Variants in ENKUR observed in about 807,000 individuals in gnomAD.
ENKUR encodes enkurin.
ENKUR carries 19 observed loss-of-function variants against 27.6 expected under a neutral mutation model. That is an observed-to-expected ratio of 0.69 (90% CI 0.48 to 1.01). ENKUR has a LOEUF of 1.01. ENKUR is among the 50% of genes least tolerant of loss of function. The pLI is 0.00. For synonymous variants in ENKUR, 117 were observed against 96.9 expected, an observed-to-expected ratio of 1.21 and a Z score of -1.22; for missense variants, 312 against 310.5, an observed-to-expected ratio of 1.00 and a Z score of -0.04.
At chr10:25,024,877 A>C (rs150062766) in intron 2 of ENKUR, 1 of 1,614,038 alleles carries the variant, frequency 6.2e-7, no homozygotes, top group Non-Finnish European at 8.5e-7. Flanking sequence ...TTATGATCTA[A>C]GGGAAAGAAA....
intron 2 of ENKUR, among the ~76,000 whole-genome samples, chr10:25,032,413 C>T (rs1255199636): frequency 6.6e-6 from 1 of 152,146 alleles, no homozygotes. Context: ...TCTGCTCTCA[C>T]CTATGCCTAA....
intron 2 of ENKUR, among the ~76,000 whole-genome samples, chr10:25,053,149 A>T (rs4237369): frequency 6.6e-6 from 1 of 151,330 alleles, no homozygotes; most frequent in African/African-American, 2.4e-5. Flanking sequence ...ACCTTTTTTC[A>T]TTTTTTAAAT....
intron 4 of ENKUR, among the ~76,000 whole-genome samples, chr10:24,986,209 T>C (rs1849775706): frequency 6.6e-6 from 1 of 152,248 alleles, no homozygotes; most frequent in East Asian, 1.9e-4. Flanking sequence ...TAAGCTCTTG[T>C]ACAAATTTAA....
chr10:25,005,434 C>T (rs1295423753), intron 1 of ENKUR, among the ~76,000 whole-genome samples: 2 of 152,066 alleles, frequency 1.3e-5, no homozygotes, highest in African/African-American at 4.8e-5. Flanking sequence ...ACTCAAAAAG[C>T]TGGGATAGTT....
chr10:25,054,513 C>CTTTCCTTTCTTT (rs1554774507), intron 2 of ENKUR, among the ~76,000 whole-genome samples: 2 of 71,364 alleles, frequency 2.8e-5, no homozygotes, highest in African/African-American at 1.1e-4. Context: ...TTCTTTCTTT[C>CTTTCCTTTCTTT]CTTTCTTTCT....
chr10:25,034,840 T>C (rs1477172103), intron 2 of ENKUR, among the ~76,000 whole-genome samples: 4 of 152,190 alleles, frequency 2.6e-5, no homozygotes, highest in Non-Finnish European at 4.4e-5. Context: ...TAAATGCTGT[T>C]GCCTACTATG....
Position 25,024,033 on chromosome 10 carries a change from G to C in ENKUR, c.38-28164C>G. On this transcript the variant is annotated intron_variant, in intron 2 of 5. Coordinates refer to the ENKUR transcript ENST00000615958. Reference sequence around the variant, plus strand: ...ATGGTGGCCTCTTTGTTCCTGCAAAGGAGTTTCCAAAATTAAGCTGCGGGG... The same window carrying C: ...ATGGTGGCCTCTTTGTTCCTGCAAACGAGTTTCCAAAATTAAGCTGCGGGG... 1.9e-6 allele frequency: 3 copies of C among 1,614,220 alleles called. No homozygotes were observed. The highest frequency in any genetic ancestry group is 2.5e-6 in the Non-Finnish European group (3 of 1,180,024).
chr10:25,048,884 A>G (rs1236515180), intron 2 of ENKUR, among the ~76,000 whole-genome samples: 1 of 151,866 alleles, frequency 6.6e-6, no homozygotes. Context: ...GAAGATAGAT[A>G]CAGATCAACT....
In ENKUR at chr10:25,016,108, C is replaced by T. The variant is rs1244558130; in HGVS notation, c.-172G>A. On this transcript the variant is annotated 5_prime_UTR_variant, in exon 1 of 6. Transcript: ENST00000331161. ...TAACCCCCTCTTAGCAGTCCTCTCT[C>T]GGGAAGAAAACACCCTATTTCTCTC... The T allele has an allele frequency of 1.6e-6, 2 of 1,283,384 alleles. No individual in the cohort carries two copies. The highest frequency in any genetic ancestry group is 2.0e-6 in the Non-Finnish European group (2 of 1,012,770). 79.5% of individuals were successfully genotyped at this position (1,283,384 alleles called of 1,614,324 possible).
chr10:25,059,987 G>C (rs572002885), intron 2 of ENKUR, among the ~76,000 whole-genome samples: 105 of 152,134 alleles, frequency 6.9e-4, no homozygotes, highest in South Asian at 1.9e-3. Context: ...GGGGTTGGGA[G>C]TGATAATGAG....
chr10:24,986,387 G>A (rs930560135), intron 4 of ENKUR, among the ~76,000 whole-genome samples: 1 of 152,156 alleles, frequency 6.6e-6, no homozygotes, highest in Non-Finnish European at 1.5e-5. Context: ...GAAAGGGAAA[G>A]GATAGAAGAA....
intron 2 of ENKUR, chr10:25,061,054 C>T: frequency 6.8e-7 from 1 of 1,478,862 alleles, no homozygotes; most frequent in Non-Finnish European, 9.1e-7. Context: ...CTCTAAGGCC[C>T]CCTATTAGGC....
chr10:25,048,789 T>C (rs896066255), intron 2 of ENKUR, among the ~76,000 whole-genome samples: 3 of 152,126 alleles, frequency 2.0e-5, no homozygotes, highest in Admixed American at 6.5e-5. Flanking sequence ...CATTCTCAGA[T>C]GTTGGAATCT....
intron 2 of ENKUR, among the ~76,000 whole-genome samples, chr10:25,045,934 C>A (rs1851117218): frequency 6.6e-6 from 1 of 152,156 alleles, no homozygotes. Context: ...TAAATACAGA[C>A]ATAAATATGA....
chr10:24,997,310 C>A (rs1850085147), intron 2 of ENKUR, among the ~76,000 whole-genome samples: 1 of 151,866 alleles, frequency 6.6e-6, no homozygotes, highest in African/African-American at 2.4e-5. Context: ...ACTCCTAGTT[C>A]TCCAGAACTG....
At chr10:25,002,545 T>A (rs1850212185) in intron 1 of ENKUR, among the ~76,000 whole-genome samples, 1 of 152,208 alleles carries the variant, frequency 6.6e-6, no homozygotes, top group African/African-American at 2.4e-5. Flanking sequence ...ATGACCACTC[T>A]ATGTTGTTTA....
At chr10:25,061,019 G>A in intron 2 of ENKUR, 1 of 1,276,636 alleles carries the variant, frequency 7.8e-7, no homozygotes, top group South Asian at 1.3e-5. Context: ...TGGCCCTTAT[G>A]TTTCTTTAGA....
intron 2 of ENKUR, among the ~76,000 whole-genome samples, chr10:25,058,640 G>A (rs1265017967): frequency 6.6e-6 from 1 of 152,166 alleles, no homozygotes; most frequent in Non-Finnish European, 1.5e-5. Flanking sequence ...CAATTAGTAA[G>A]GAGGGGGAGG....
At chr10:25,041,426 G>A (rs1281678481) in intron 2 of ENKUR, among the ~76,000 whole-genome samples, 2 of 151,986 alleles carry the variant, frequency 1.3e-5, no homozygotes, top group Non-Finnish European at 2.9e-5. Context: ...ACACATTTAT[G>A]TCTTTCACCA....
Sources: gnomAD v4.1 joint callset for allele counts (sites outside exome capture counted in the v4.1 genomes callset) on GRCh38, gnomAD v4.1.1 for gene constraint, MANE v1.5 for transcripts, NCBI Gene and HGNC (gene_info 2026-07-23, HGNC 2026-07-21) for gene names.